The following CCR3 variants were observed in gnomAD, a reference collection of about 807,000 sequenced individuals.
The protein encoded by CCR3 is C-C motif chemokine receptor 3, also known as C-C chemokine receptor type 3.
For missense variants in CCR3, 419 were observed against 437.5 expected (o/e 0.96, Z 0.38); for synonymous variants, 203 against 179.2 (o/e 1.13, Z -1.06).
In CCR3 at chr3:46,266,416, G is replaced by T. The variant is rs199896381; in HGVS notation, c.*190G>T. Reference sequence around the variant, plus strand: ...CCCTAAGGTCATTACCACAGGCCAGGGGCTGGGCAGCGTACTCATCATCAA... The same window carrying T: ...CCCTAAGGTCATTACCACAGGCCAGTGGCTGGGCAGCGTACTCATCATCAA... On this transcript the variant is annotated 3_prime_UTR_variant, in exon 2 of 2. Transcript: ENST00000395940. 2 of 548,102 alleles carry T rather than the reference G, an allele frequency of 3.6e-6. No homozygotes were observed. Among genetic ancestry groups the T allele is most frequent in the Non-Finnish European group, 6.6e-6 (2 of 303,622 alleles). The allele number at this position is 548,102 out of a possible 1,614,324, so 34.0% of individuals were successfully genotyped here. A position where few individuals can be genotyped will look rare whatever the true frequency, so the allele number is the denominator to read the frequency against.
chr3:46,250,670 A>C (rs12631866), intron 1 of CCR3, among the ~76,000 whole-genome samples: 12 of 151,878 alleles, frequency 7.9e-5, no homozygotes, highest in African/African-American at 2.9e-4. Flanking sequence ...AGGTTTTAGG[A>C]CAGGTGTAAG....
At chr3:46,211,287 C>T (rs904213668) in intron 2 of CCR3, among the ~76,000 whole-genome samples, 1 of 150,420 alleles carries the variant, frequency 6.6e-6, no homozygotes, top group Non-Finnish European at 1.5e-5. Flanking sequence ...CAGCCTCAAC[C>T]TTCTGGGCTC....
At chr3:46,234,935 C>T (rs1019286033) in intron 2 of CCR3, among the ~76,000 whole-genome samples, 2 of 152,208 alleles carry the variant, frequency 1.3e-5, no homozygotes, top group Non-Finnish European at 2.9e-5. Flanking sequence ...GGAGGGCTCA[C>T]GCCCATGCAT....
chr3:46,229,961 ACG>A (rs1699943186), intron 2 of CCR3, among the ~76,000 whole-genome samples: 1 of 152,174 alleles, frequency 6.6e-6, no homozygotes, highest in Admixed American at 6.5e-5. Context: ...CCATGAGTGG[ACG>A]CTGGACTCAG....
upstream of CCR3, among the ~76,000 whole-genome samples, chr3:46,242,157 A>G (rs545202681): frequency 2.0e-5 from 3 of 151,154 alleles, no homozygotes; most frequent in Non-Finnish European, 3.0e-5. Flanking sequence ...AATTATAACA[A>G]CCCCCCACCA....
chr3:46,219,684 C>T (rs1318902239), intron 2 of CCR3, among the ~76,000 whole-genome samples: 1 of 152,074 alleles, frequency 6.6e-6, no homozygotes, highest in Non-Finnish European at 1.5e-5. Flanking sequence ...GAAATAAAGC[C>T]AAATACTTAC....
chr3:46,254,774 A>G (rs1346031114), intron 1 of CCR3, among the ~76,000 whole-genome samples: 2 of 152,218 alleles, frequency 1.3e-5, no homozygotes, highest in Non-Finnish European at 2.9e-5. Context: ...ACTTAGAATA[A>G]TGATCTCTAA....
intron 2 of CCR3, among the ~76,000 whole-genome samples, chr3:46,214,715 C>T (rs1699753957): frequency 6.6e-6 from 1 of 152,116 alleles, no homozygotes; most frequent in East Asian, 1.9e-4. Context: ...GTAGATAGTG[C>T]CTCCACCTTT....
chr3:46,244,723 AC>A (rs1294666840), intron 1 of CCR3, among the ~76,000 whole-genome samples: 1 of 152,100 alleles, frequency 6.6e-6, no homozygotes, highest in East Asian at 1.9e-4. Flanking sequence ...GGGCATTTTC[AC>A]TTCTTTTGTG....
Position 46,266,349 on chromosome 3 carries a change from G to A in CCR3, c.*123G>A, listed in dbSNP as rs1575516380. On this transcript the variant is annotated 3_prime_UTR_variant, in exon 2 of 2. Coordinates refer to ENST00000395940, the MANE Select transcript of CCR3 (RefSeq NM_178329.3). ...CCAGTGCAACACTGAAGCTCTTGAA[G>A]ACACTGAAATATACACACAGCAGTA... is the stretch of plus-strand genomic sequence containing the variant. 4 of 651,652 alleles carry A rather than the reference G, an allele frequency of 6.1e-6. No individual in the cohort carries two copies. The East Asian group carries it at 1.1e-4, about 18-fold the overall frequency. The allele number at this position is 651,652 out of a possible 1,614,324, so 40.4% of individuals were successfully genotyped here. A position where few individuals can be genotyped will look rare whatever the true frequency, so the allele number is the denominator to read the frequency against.
chr3:46,229,515 A>T (rs920052057), intron 2 of CCR3, among the ~76,000 whole-genome samples: 1 of 152,180 alleles, frequency 6.6e-6, no homozygotes, highest in Non-Finnish European at 1.5e-5. Flanking sequence ...GGTTGCAAAG[A>T]AACTGAACTT....
chr3:46,249,851 C>T (rs1700271268), intron 1 of CCR3, among the ~76,000 whole-genome samples: 1 of 149,698 alleles, frequency 6.7e-6, no homozygotes, highest in Non-Finnish European at 1.5e-5. Flanking sequence ...GTTTGTCTCA[C>T]AGTGGAGGCA....
At chr3:46,258,037 C>T (rs1288039196) in intron 1 of CCR3, among the ~76,000 whole-genome samples, 2 of 152,166 alleles carry the variant, frequency 1.3e-5, no homozygotes, top group Non-Finnish European at 2.9e-5. Flanking sequence ...CTCTTCAGGC[C>T]CCCAGCTGAT....
chr3:46,213,565 T>C (rs543224665), intron 2 of CCR3, among the ~76,000 whole-genome samples: 1 of 152,326 alleles, frequency 6.6e-6, no homozygotes, highest in Admixed American at 6.5e-5. Context: ...TCTACCACAA[T>C]GCACAAATTT....
chr3:46,230,180 C>T (rs1380215395), intron 2 of CCR3, among the ~76,000 whole-genome samples: 1 of 152,174 alleles, frequency 6.6e-6, no homozygotes, highest in Non-Finnish European at 1.5e-5. Context: ...TCCAGCAGAG[C>T]CCCACCAATA....
chr3:46,252,944 G>A (rs1700345889), intron 1 of CCR3, among the ~76,000 whole-genome samples: 1 of 151,962 alleles, frequency 6.6e-6, no homozygotes, highest in Non-Finnish European at 1.5e-5. Context: ...TCAAATTTAG[G>A]AGGGACTTCA....
chr3:46,237,355 G>T (rs962619028), intron 2 of CCR3, among the ~76,000 whole-genome samples: 3 of 152,106 alleles, frequency 2.0e-5, no homozygotes, highest in Non-Finnish European at 2.9e-5. Context: ...TTGGGTGAAT[G>T]GTTTGCATAG....
chr3:46,246,320 G>A (rs923294495), intron 1 of CCR3, among the ~76,000 whole-genome samples: 1 of 152,204 alleles, frequency 6.6e-6, no homozygotes, highest in African/African-American at 2.4e-5. Context: ...CTTTGTGTGA[G>A]CAACATGGCT....
intron 2 of CCR3, among the ~76,000 whole-genome samples, chr3:46,231,255 T>G (rs984269113): frequency 1.2e-4 from 18 of 152,224 alleles, no homozygotes; most frequent in Non-Finnish European, 1.5e-5. Context: ...GTGCCCAGAT[T>G]AATCTTGTGG....
Sources: gnomAD v4.1 joint callset for allele counts (sites outside exome capture counted in the v4.1 genomes callset) on GRCh38, gnomAD v4.1.1 for gene constraint, MANE v1.5 for transcripts, NCBI Gene and HGNC (gene_info 2026-07-23, HGNC 2026-07-21) for gene names.